The following TCEA1 variants were observed in gnomAD, a reference collection of about 807,000 sequenced individuals.
TCEA1 encodes transcription elongation factor A protein 1.
Under a neutral mutation model 43.8 loss-of-function variants are expected in TCEA1, and 21 were observed. The observed-to-expected ratio is 0.48, with a 90% CI of 0.34 to 0.69. The LOEUF is 0.69. Ranked by LOEUF, TCEA1 falls within the 30% of genes least tolerant of loss-of-function variation. The probability of loss-of-function intolerance (pLI) is 0.01; values close to 1 mark genes in which losing one functional copy is unlikely to be tolerated. For synonymous variants in TCEA1, 104 were observed against 117.5 expected (o/e 0.88, Z 0.75); for missense variants, 250 against 365.1 (o/e 0.68, Z 2.57).
intron 1 of TCEA1, among the ~76,000 whole-genome samples, chr8:54,011,634 T>C (rs1224943664): frequency 6.6e-6 from 1 of 151,608 alleles, no homozygotes; most frequent in South Asian, 2.1e-4. Context: ...ATACACGCTA[T>C]CCCCCCAAAA....
chr8:54,013,243 C>T (rs1804712259), intron 1 of TCEA1, among the ~76,000 whole-genome samples: 3 of 152,216 alleles, frequency 2.0e-5, no homozygotes, highest in South Asian at 4.1e-4. Flanking sequence ...TTCTACTCAG[C>T]TCTCTGGTGA....
At chr8:53,971,008 G>A (rs1280067957) in intron 8 of TCEA1, among the ~76,000 whole-genome samples, 1 of 152,004 alleles carries the variant, frequency 6.6e-6, no homozygotes, top group Non-Finnish European at 1.5e-5. Context: ...AAATACAAAG[G>A]ATGTTTAAAG....
chr8:54,019,332 G>A (rs900788055), intron 1 of TCEA1, among the ~76,000 whole-genome samples: 1 of 152,096 alleles, frequency 6.6e-6, no homozygotes, highest in Admixed American at 6.5e-5. Flanking sequence ...CACTCTGGGA[G>A]GCCAGGACGG....
intron 1 of TCEA1, among the ~76,000 whole-genome samples, chr8:54,014,408 G>A (rs190712011): frequency 6.6e-4 from 100 of 152,138 alleles, no homozygotes; most frequent in Non-Finnish European, 1.1e-3. Flanking sequence ...CCAGGGGTTC[G>A]AGACCAGCCT....
intron 1 of TCEA1, among the ~76,000 whole-genome samples, chr8:54,019,137 T>C (rs542661253): frequency 7.9e-5 from 12 of 152,354 alleles, no homozygotes; most frequent in African/African-American, 2.9e-4. Context: ...AAGCTGTTTT[T>C]AGTTAAGTGT....
At chr8:53,978,954 T>C in intron 8 of TCEA1, 71 bp downstream of exon 8, 1 of 1,477,408 alleles carries the variant, frequency 6.8e-7, no homozygotes, top group Admixed American at 2.1e-5. Context: ...TAATTATCTT[T>C]GCTATTTATT....
At chr8:53,995,328 G>T (rs1804020606) in intron 3 of TCEA1, among the ~76,000 whole-genome samples, 1 of 149,412 alleles carries the variant, frequency 6.7e-6, no homozygotes. Flanking sequence ...AAAATTCAGT[G>T]CATGCCTGTA....
intron 4 of TCEA1, among the ~76,000 whole-genome samples, chr8:53,988,633 T>C (rs1803769921): frequency 6.6e-6 from 1 of 152,130 alleles, no homozygotes; most frequent in Non-Finnish European, 1.5e-5. Flanking sequence ...GCTTTCTTTT[T>C]TGAGACGGAG....
chr8:54,015,019 A>C (rs1424875564), intron 1 of TCEA1, among the ~76,000 whole-genome samples: 1 of 152,122 alleles, frequency 6.6e-6, no homozygotes, highest in Non-Finnish European at 1.5e-5. Context: ...ATAATTACTT[A>C]TTTCTACCAT....
At chr8:54,008,319 TCAACAA>T (rs34975029) in intron 2 of TCEA1, among the ~76,000 whole-genome samples, 114 of 150,624 alleles carry the variant, frequency 7.6e-4, no homozygotes, top group East Asian at 4.3e-3. Flanking sequence ...GTCAAACAAT[TCAACAA>T]CAACAACAAC....
At chr8:53,970,496 CA>C in intron 8 of TCEA1, 33 bp from the exon 9 acceptor site, 3 of 1,402,822 alleles carry the variant, frequency 2.1e-6, no homozygotes, top group Non-Finnish European at 3.0e-6. Context: ...GTACTTTTTG[CA>C]GTACTATTAA....
At chr8:53,968,744 T>C (rs1343823703) in intron 9 of TCEA1, among the ~76,000 whole-genome samples, 5 of 151,900 alleles carry the variant, frequency 3.3e-5, no homozygotes, top group African/African-American at 4.8e-5. Flanking sequence ...CAGGGGAATC[T>C]CTTGAACCCG....
chr8:54,016,990 A>G (rs951098562), intron 1 of TCEA1, among the ~76,000 whole-genome samples: 2 of 151,494 alleles, frequency 1.3e-5, no homozygotes, highest in Non-Finnish European at 2.9e-5. Flanking sequence ...AAAAAAAAAA[A>G]AAAAAAAAAA....
chr8:54,010,919 G>A (rs957316824), intron 1 of TCEA1, among the ~76,000 whole-genome samples: 3 of 151,800 alleles, frequency 2.0e-5, no homozygotes, highest in African/African-American at 7.3e-5. Context: ...GGGTTCAAGC[G>A]ATTCTCCTGC....
At position 53,984,515 on chromosome 8, in the gene TCEA1, T is replaced by C. The variant is rs536110770; in HGVS notation, c.526A>G (p.Ile176Val). 295 of 1,579,242 alleles carry C rather than the reference T, an allele frequency of 1.9e-4. 1 individual carries two copies. The South Asian group carries it at 2.5e-3, about 14-fold the overall frequency. Residue 176 changes from isoleucine to valine, a missense_variant and splice_region_variant, in exon 7 of 10, where the codon ATA (isoleucine) becomes GTA (valine). Around this residue, in one of 4 missense-constraint regions of TCEA1, gnomAD observed 147 missense variants for 160.3 expected, o/e 0.92. Coordinates refer to ENST00000521604, the MANE Select transcript of TCEA1 (RefSeq NM_006756.4). ...TCTGTATTCCTTATTTCTTGATATA[T>C]AGGTACCAGGCCGTTAAGGAAAAAA... The part of the protein sequence containing the change: ...EELGSQIEEA[I>V]YQEIRNTDMK...
intron 1 of TCEA1, among the ~76,000 whole-genome samples, chr8:54,011,458 A>T (rs893866074): frequency 2.0e-5 from 3 of 152,252 alleles, no homozygotes; most frequent in Admixed American, 1.3e-4. Flanking sequence ...ATCCTCTCTC[A>T]GATTTCCTTC....
In TCEA1 at chr8:53,993,688, G is replaced by A; in HGVS notation, c.300C>T (p.Ser100=). 6.2e-7 allele frequency: 1 copy of A among 1,613,362 alleles called. No individual in the cohort carries two copies. Among genetic ancestry groups the A allele is most frequent in the African/African-American group, 1.3e-5 (1 of 74,992 alleles). ...KKEPAITSQN[S]PEAREESTSS... Reference sequence around the variant, plus strand: ...AGTACCTTTCTTCTCTTGCCTCAGGGCTGTTCTGCGATGTAATTGCAGGTT... The same window carrying A: ...AGTACCTTTCTTCTCTTGCCTCAGGACTGTTCTGCGATGTAATTGCAGGTT... The change falls in exon 4 of 10, where the codon AGC becomes AGT. Residue 100 remains serine (S), a synonymous_variant. Coordinates refer to ENST00000521604, the MANE Select transcript of TCEA1 (RefSeq NM_006756.4).
At chr8:53,989,482 A>G (rs906652438) in intron 4 of TCEA1, among the ~76,000 whole-genome samples, 2 of 152,200 alleles carry the variant, frequency 1.3e-5, no homozygotes, top group Admixed American at 1.3e-4. Context: ...AAACTTCACA[A>G]ACAGGTGCCT....
At chr8:54,003,388 G>C (rs1357353263) in intron 2 of TCEA1, among the ~76,000 whole-genome samples, 1 of 152,046 alleles carries the variant, frequency 6.6e-6, no homozygotes, top group Non-Finnish European at 1.5e-5. Context: ...ATACAGAAAT[G>C]CAAAGGACCC....
Sources: gnomAD v4.1 joint callset for allele counts (sites outside exome capture counted in the v4.1 genomes callset) on GRCh38, gnomAD v4.1.1 for gene constraint, gnomAD v4.1.1 regional missense constraint, MANE v1.5 for transcripts, NCBI Gene and HGNC (gene_info 2026-07-23, HGNC 2026-07-21) for gene names.